DIPK2B: variants seen among roughly 807,000 people sequenced by gnomAD.
DIPK2B encodes the protein UPF0672 protein CXorf36.
DIPK2B carries 15 observed loss-of-function variants against 22.2 expected under a neutral mutation model. The ratio of observed to expected loss-of-function variants is 0.68; its 90% CI spans 0.45 to 1.04. The LOEUF (loss-of-function observed/expected upper bound fraction) is 1.04. Among genes scored for constraint, DIPK2B ranks in the 50% least tolerant of loss-of-function variants. DIPK2B has a pLI of 0.00. For synonymous variants in DIPK2B, 163 were observed against 153.2 expected (o/e 1.06, Z -0.47); for missense variants, 345 against 348.3 (o/e 0.99, Z 0.08).
intron 1 of DIPK2B, among the ~76,000 whole-genome samples, chrX:45,196,246 T>C (rs1454545084): frequency 2.7e-5 from 3 of 110,825 alleles, no homozygotes; most frequent in African/African-American, 9.9e-5. Context: ...AGTGTGATGG[T>C]TGGGTAGAAG....
intron 2 of DIPK2B, among the ~76,000 whole-genome samples, chrX:45,176,413 A>G (rs1226629679): frequency 8.9e-6 from 1 of 112,235 alleles, no homozygotes; most frequent in Non-Finnish European, 1.9e-5. Flanking sequence ...TTGGTTAATT[A>G]GAGAGTCATT....
chrX:45,186,556 A>AT (rs1271341109), intron 2 of DIPK2B, among the ~76,000 whole-genome samples: 1 of 112,250 alleles, frequency 8.9e-6, no homozygotes, highest in Non-Finnish European at 1.9e-5. Context: ...CAGTCAGCCT[A>AT]TTTTTTCTTT....
chrX:45,188,434 G>A (rs2047195201), intron 2 of DIPK2B, among the ~76,000 whole-genome samples: 3 of 112,157 alleles, frequency 2.7e-5, no homozygotes, highest in Admixed American at 1.9e-4. Flanking sequence ...GCTTCTTAGA[G>A]GGCTAACAGT....
chrX:45,155,961 CTTTTTTTTTTTT>C (rs757375184), intron 3 of DIPK2B, among the ~76,000 whole-genome samples: 1 of 55,255 alleles, frequency 1.8e-5, no homozygotes, highest in Non-Finnish European at 3.1e-5. Context: ...AAGGGGACCT[CTTTTTTTTTTTT>C]TTTTTTTTTT....
intron 2 of DIPK2B, among the ~76,000 whole-genome samples, chrX:45,170,478 A>G (rs2047075101): frequency 8.9e-6 from 1 of 111,791 alleles, no homozygotes; most frequent in Non-Finnish European, 1.9e-5. Flanking sequence ...TGTAAATACC[A>G]TTTCAATTGC....
chrX:45,173,567 ATTCT>A (rs376658512), intron 2 of DIPK2B, among the ~76,000 whole-genome samples: 760 of 58,545 alleles, frequency 0.013, 11 homozygotes, highest in African/African-American at 0.041. Flanking sequence ...TTCTTCTTTC[ATTCT>A]TTCTTTCTTT....
intron 2 of DIPK2B, among the ~76,000 whole-genome samples, chrX:45,187,468 GCACA>G (rs34308256): frequency 0.078 from 7,694 of 98,321 alleles, 378 homozygotes; most frequent in African/African-American, 0.18. Context: ...GCGCGCGCGC[GCACA>G]CACACACACA....
At chrX:45,177,513 C>T (rs1376841959) in intron 2 of DIPK2B, among the ~76,000 whole-genome samples, 1 of 109,423 alleles carries the variant, frequency 9.1e-6, no homozygotes, top group African/African-American at 3.3e-5. Flanking sequence ...CTCTTGCTCC[C>T]TCTCTCTCCA....
intron 1 of DIPK2B, among the ~76,000 whole-genome samples, chrX:45,197,909 CA>C (rs1346656081): frequency 3.6e-5 from 4 of 111,000 alleles, no homozygotes; most frequent in African/African-American, 9.8e-5. Context: ...TTTATAATAC[CA>C]AAAAATGAAA....
chrX:45,184,988 G>T, intron 2 of DIPK2B, among the ~76,000 whole-genome samples: 1 of 111,249 alleles, frequency 9.0e-6, no homozygotes, highest in Non-Finnish European at 1.9e-5. Flanking sequence ...TAGATAAAAT[G>T]ATCTTTAATA....
intron 2 of DIPK2B, among the ~76,000 whole-genome samples, chrX:45,184,097 T>A (rs1043242076): frequency 1.8e-5 from 2 of 111,547 alleles, no homozygotes; most frequent in African/African-American, 6.5e-5. Flanking sequence ...TGACATAACA[T>A]TTAAGAAGCT....
rs1339277849 is a variant in DIPK2B at position 45,148,633 on chromosome X, T to C, written c.*3019A>G. 2 of 110,048 alleles carry C rather than the reference T, an allele frequency of 1.8e-5. No homozygotes were observed. Among genetic ancestry groups the C allele is most frequent in the East Asian group, 5.8e-4 (2 of 3,467 alleles). The allele number at this position is 110,048 out of a possible 1,213,427, so 9.1% of individuals were successfully genotyped here. A position where few individuals can be genotyped will look rare whatever the true frequency, so the allele number is the denominator to read the frequency against. On this transcript the variant is annotated 3_prime_UTR_variant, in exon 5 of 5. Transcript: ENST00000398000. ...TCATCACTTCCAGGAGGGCACCAAGTCATTCATGAGGCAACTTCCCCCATC... is the reference window on the plus strand; with the variant it reads ...TCATCACTTCCAGGAGGGCACCAAGCCATTCATGAGGCAACTTCCCCCATC...
At chrX:45,172,884 G>A (rs938405183) in intron 2 of DIPK2B, among the ~76,000 whole-genome samples, 2 of 111,233 alleles carry the variant, frequency 1.8e-5, no homozygotes, top group East Asian at 2.8e-4. Context: ...CAACTCATTC[G>A]TGCATCCAAG....
chrX:45,162,354 A>C (rs1047466801), intron 2 of DIPK2B: 2 of 744,902 alleles, frequency 2.7e-6, no homozygotes, highest in African/African-American at 4.6e-5. Context: ...ACAACAATAG[A>C]TAACTGCTAT....
At chrX:45,180,122 T>C (rs1334248030) in intron 2 of DIPK2B, among the ~76,000 whole-genome samples, 2 of 111,668 alleles carry the variant, frequency 1.8e-5, no homozygotes, top group Non-Finnish European at 3.8e-5. Context: ...GCATTTGTGT[T>C]AAGGGGGTTG....
At position 45,148,884 on chromosome X, in the gene DIPK2B, C is replaced by T. The variant is rs1040123189; in HGVS notation, c.*2768G>A. ...TTCTCATTTGCTCCGTTCTGGGACT[C>T]GGACAAACGGGGCACAAGGCCTCTT... On this transcript the variant is annotated 3_prime_UTR_variant, in exon 5 of 5. Transcript: ENST00000398000. 3 of 112,019 alleles carry T rather than the reference C, an allele frequency of 2.7e-5. No individual in the cohort carries two copies. The highest frequency in any genetic ancestry group is 6.5e-5 in the African/African-American group (2 of 30,792). The allele number at this position is 112,019 out of a possible 1,213,427, so 9.2% of individuals were successfully genotyped here. A position where few individuals can be genotyped will look rare whatever the true frequency, so the allele number is the denominator to read the frequency against.
chrX:45,154,759 A>G (rs1308081350), intron 3 of DIPK2B, among the ~76,000 whole-genome samples: 1 of 111,798 alleles, frequency 8.9e-6, no homozygotes, highest in Non-Finnish European at 1.9e-5. Context: ...GCTTAGGAAG[A>G]GGCTATGGGA....
At position 45,154,268 on chromosome X, in the gene DIPK2B, T is replaced by C; in HGVS notation, c.673-70A>G. The stretch of plus-strand genomic sequence containing the variant: ...CAGCTCTCTATCTGTCTATTATCTC[T>C]ATCTATCTCCCTATCTATCTATCTA... On this transcript the variant is annotated intron_variant, in intron 3 of 4. Coordinates refer to ENST00000398000, the MANE Select transcript of DIPK2B (RefSeq NM_176819.4). 10 of 911,400 alleles carry C rather than the reference T, an allele frequency of 1.1e-5. No homozygotes were observed. The South Asian group carries it at 2.6e-4, about 23-fold the overall frequency. 75.1% of individuals were successfully genotyped at this position (911,400 alleles called of 1,213,427 possible). A position where few individuals can be genotyped will look rare whatever the true frequency, so the allele number is the denominator to read the frequency against.
At chrX:45,189,283 C>A (rs2047198937) in intron 2 of DIPK2B, among the ~76,000 whole-genome samples, 1 of 111,824 alleles carries the variant, frequency 8.9e-6, no homozygotes, top group Admixed American at 9.4e-5. Flanking sequence ...GAAGACAGAT[C>A]CATTTGAAAC....
Sources: gnomAD v4.1 joint callset for allele counts (sites outside exome capture counted in the v4.1 genomes callset) on GRCh38, gnomAD v4.1.1 for gene constraint, MANE v1.5 for transcripts, NCBI Gene and HGNC (gene_info 2026-07-23, HGNC 2026-07-21) for gene names.